DOCK8: variants seen among roughly 807,000 people sequenced by gnomAD.
DOCK8 encodes dedicator of cytokinesis protein 8.
In DOCK8, 141 loss-of-function variants were observed where a neutral mutation model predicts 245.6. That is an observed-to-expected ratio of 0.57 (90% CI 0.50 to 0.66). DOCK8 has a LOEUF of 0.66. Ranked by LOEUF, DOCK8 falls within the 30% of genes least tolerant of loss-of-function variation. DOCK8 has a pLI of 0.00. For synonymous variants in DOCK8, 1,168 were observed against 970.2 expected, an observed-to-expected ratio of 1.20 and a Z score of -3.79; for missense variants, 2,965 against 2,603.4, an observed-to-expected ratio of 1.14 and a Z score of -3.02.
At chr9:364,151 A>G (rs1455871791) in intron 14 of DOCK8, among the ~76,000 whole-genome samples, 3 of 152,346 alleles carry the variant, frequency 2.0e-5, no homozygotes, top group East Asian at 3.9e-4. Flanking sequence ...TAACTGAAAC[A>G]AGGAAATGAC....
intron 14 of DOCK8, among the ~76,000 whole-genome samples, chr9:345,733 C>T (rs1225036304): frequency 6.6e-6 from 1 of 152,136 alleles, no homozygotes; most frequent in Non-Finnish European, 1.5e-5. Flanking sequence ...CTTCAGGTGT[C>T]CTGCGTGGGG....
chr9:252,008 C>G (rs560483467), intron 1 of DOCK8, among the ~76,000 whole-genome samples: 1 of 139,186 alleles, frequency 7.2e-6, no homozygotes, highest in South Asian at 2.2e-4. Flanking sequence ...GAGTCTTGCT[C>G]TGTTGCCCAG....
rs183324455 is a variant in DOCK8 at position 424,161 on chromosome 9, T to C, written c.4241+2026T>C. 8.5e-5 allele frequency among the ~76,000 whole-genome samples: 13 copies of C among 152,076 alleles called. 1 individual carries two copies. The highest frequency in any genetic ancestry group is 2.9e-4 in the African/African-American group (12 of 41,484). ...ATTATAATAATGGTGTCTTTCACCC[T>C]CTTTCTGATCATTTTTCGATTATTT... On this transcript the variant is annotated intron_variant, in intron 33 of 47. Transcript: ENST00000432829.
chr9:271,689 G>C lies in DOCK8; in HGVS notation c.116G>C (p.Arg39Pro), dbSNP rs909479628. ...CCACCAAACCTTGGCCAGTACCATC[G>C]ACAGAGCATAAGTACCTCTGGCTTC... ...TLPPNLGQYH[R>P]QSISTSGFPS... Residue 39 changes from arginine (R) to proline (P), a missense_variant, in exon 2 of 48, where the codon CGA becomes CCA. Arg to Pro is a moderately radical substitution (Grantham distance 103). Around this residue, in one of 3 missense-constraint regions of DOCK8, gnomAD observed 2,825 missense variants for 2,453.5 expected, o/e 1.15. Transcript: ENST00000432829. The C allele has an allele frequency of 6.4e-7, 1 of 1,551,726 alleles. No individual in the cohort carries two copies. The highest frequency in any genetic ancestry group is 2.4e-5 in the East Asian group (1 of 40,898).
In DOCK8 at chr9:377,300, G is replaced by C. The variant is rs898289122; in HGVS notation, c.2440+89G>C. 1.2e-4 allele frequency: 152 copies of C among 1,304,032 alleles called. 1 individual carries two copies. Among genetic ancestry groups the C allele is most frequent in the South Asian group, 6.7e-4 (48 of 72,016 alleles). 80.8% of individuals were successfully genotyped at this position (1,304,032 alleles called of 1,614,324 possible). Reference sequence around the variant, plus strand: ...AAAAATGACTTTCCAGAAATCCAGAGACAATGTGATCTTCCTTTCCACTGA... The same window carrying C: ...AAAAATGACTTTCCAGAAATCCAGACACAATGTGATCTTCCTTTCCACTGA... On this transcript the variant is annotated intron_variant, in intron 20 of 47. Coordinates refer to ENST00000432829, the MANE Select transcript of DOCK8 (RefSeq NM_203447.4).
At chr9:414,410 G>T (rs978533473) in intron 28 of DOCK8, among the ~76,000 whole-genome samples, 3 of 152,328 alleles carry the variant, frequency 2.0e-5, no homozygotes, top group African/African-American at 7.2e-5. Context: ...CAGACCCAGG[G>T]TTAGAACACA....
intron 16 of DOCK8, among the ~76,000 whole-genome samples, chr9:370,600 T>A (rs775251678): frequency 1.3e-5 from 2 of 152,248 alleles, no homozygotes; most frequent in Non-Finnish European, 2.9e-5. Context: ...TTTCCTAACT[T>A]GCTTTGAGAC....
In DOCK8 at chr9:308,071, A is replaced by G. The variant is rs201213288; in HGVS notation, c.528+3367A>G. ...CTGGGAAGGATGGATGGAGAAGGGAATAGAGAGGTTGGTTAACGGTTACAA... is the reference window on the plus strand; with the variant it reads ...CTGGGAAGGATGGATGGAGAAGGGAGTAGAGAGGTTGGTTAACGGTTACAA... On this transcript the variant is annotated intron_variant, in intron 5 of 47. Transcript: ENST00000432829. Among the ~76,000 whole-genome samples the G allele has an allele frequency of 7.2e-5, 11 of 152,340 alleles. No homozygotes were observed. In the East Asian group the frequency reaches 2.1e-3, roughly 29 times the overall value.
At chr9:255,915 C>A (rs62531332) in intron 1 of DOCK8, among the ~76,000 whole-genome samples, 2 of 151,916 alleles carry the variant, frequency 1.3e-5, no homozygotes, top group Non-Finnish European at 2.9e-5. Flanking sequence ...TTTAAAATAC[C>A]TGCTTGATCC....
intron 27 of DOCK8, among the ~76,000 whole-genome samples, chr9:405,656 A>G (rs1444779457): frequency 2.0e-5 from 3 of 152,216 alleles, no homozygotes; most frequent in South Asian, 2.1e-4. Context: ...GTCACATTCC[A>G]TTTATAGGGA....
chr9:349,335 G>T (rs1208040698), intron 14 of DOCK8, among the ~76,000 whole-genome samples: 1 of 152,198 alleles, frequency 6.6e-6, no homozygotes, highest in Non-Finnish European at 1.5e-5. Flanking sequence ...AGTCCTGGCT[G>T]CTTTGTTTCA....
chr9:429,870 A>G lies in DOCK8; in HGVS notation c.4626+16A>G, dbSNP rs1323491241. On this transcript the variant is annotated intron_variant, in intron 36 of 47. Transcript: ENST00000432829. ...AGCCACCAGTGTAAGAGTTCAAACC[A>G]GCTGAGTGACCTGGAATCAGTAGAG... The G allele has an allele frequency of 6.2e-7, 1 of 1,613,764 alleles. No individual in the cohort carries two copies. The highest frequency in any genetic ancestry group is 8.5e-7 in the Non-Finnish European group (1 of 1,179,886).
At chr9:409,618 C>G (rs898189992) in intron 28 of DOCK8, among the ~76,000 whole-genome samples, 5 of 151,802 alleles carry the variant, frequency 3.3e-5, no homozygotes, top group South Asian at 2.1e-4. Context: ...TTCTAGGGTA[C>G]ATGTATACAA....
At position 376,211 on chromosome 9, in the gene DOCK8, A is replaced by G. The variant is rs550143471; in HGVS notation, c.2111A>G (p.Lys704Arg). ...CTTTTTTTTTTCTCTTTAACACAGA[A>G]AGTCCCATTACAGAATCCTCCCATT... ...PPNYSMHSAEKVPLQNPPIKW... is the reference protein window; with the variant it reads ...PPNYSMHSAERVPLQNPPIKW... Residue 704 changes from lysine to arginine, a missense_variant and splice_region_variant, in exon 19 of 48, where the codon AAA (lysine) becomes AGA (arginine). Lys to Arg is a conservative substitution (Grantham distance 26). Coordinates refer to ENST00000432829, the MANE Select transcript of DOCK8 (RefSeq NM_203447.4). The G allele has an allele frequency of 2.1e-5, 34 of 1,605,050 alleles. No individual in the cohort carries two copies. The Middle Eastern group carries it at 6.6e-4, about 31-fold the overall frequency.
Position 420,575 on chromosome 9 carries a change from G to C in DOCK8, c.4015G>C (p.Glu1339Gln), listed in dbSNP as rs764279737. ...DLLFICVLCF[E>Q]YKGKQSSDKV... is the part of the protein sequence containing the mutation. Reference sequence around the variant, plus strand: ...ACTTTTCATCTGTGTGTTATGTTTTGAGTATAAGGTAAGTCTGGAGTGGCA... The same window carrying C: ...ACTTTTCATCTGTGTGTTATGTTTTCAGTATAAGGTAAGTCTGGAGTGGCA... Residue 1339 changes from glutamate (E) to glutamine (Q), a missense_variant, in exon 31 of 48, where the codon GAG becomes CAG. This residue lies in a region of DOCK8 where 2,825 missense variants were observed against 2,453.5 expected (regional missense o/e 1.15). Coordinates refer to ENST00000432829, the MANE Select transcript of DOCK8 (RefSeq NM_203447.4). The C allele has an allele frequency of 6.2e-7, 1 of 1,614,114 alleles. No individual in the cohort carries two copies.
At chr9:316,755 G>C (rs2050365644) in intron 6 of DOCK8, among the ~76,000 whole-genome samples, 1 of 152,170 alleles carries the variant, frequency 6.6e-6, no homozygotes, top group African/African-American at 2.4e-5. Flanking sequence ...ATGCCATCTG[G>C]TGGATGTTAC....
Position 246,084 on chromosome 9 carries a change from A to T in DOCK8, c.54-25543A>T, listed in dbSNP as rs376585308. Among the ~76,000 whole-genome samples, 5 of 152,150 alleles carry T rather than the reference A, an allele frequency of 3.3e-5. No homozygotes were observed. The East Asian group carries it at 5.8e-4, about 18-fold the overall frequency. On this transcript the variant is annotated intron_variant, in intron 1 of 47. Transcript: ENST00000432829. ...AAAATACAAAAAATTGGCCAGGCAT[A>T]GTGGCGTACCTGTAGTTCCAGCTAC...
intron 19 of DOCK8, among the ~76,000 whole-genome samples, chr9:376,548 T>G (rs562976927): frequency 3.3e-5 from 5 of 152,274 alleles, no homozygotes; most frequent in African/African-American, 1.2e-4. Flanking sequence ...GGAGAAACTT[T>G]GCAGGGGGAC....
chr9:331,534 C>G (rs193021331), intron 9 of DOCK8, among the ~76,000 whole-genome samples: 8 of 152,208 alleles, frequency 5.3e-5, no homozygotes, highest in African/African-American at 1.9e-4. Flanking sequence ...CTGTGTTGAC[C>G]CAAATTCTTT....
Sources: gnomAD v4.1 joint callset for allele counts (sites outside exome capture counted in the v4.1 genomes callset) on GRCh38, gnomAD v4.1.1 for gene constraint, gnomAD v4.1.1 regional missense constraint, MANE v1.5 for transcripts, NCBI Gene and HGNC (gene_info 2026-07-23, HGNC 2026-07-21) for gene names.